The following CNTNAP4 variants were observed in gnomAD, a reference collection of about 807,000 sequenced individuals.
The protein encoded by CNTNAP4 is contactin associated protein family member 4.
CNTNAP4 carries 98 observed loss-of-function variants against 148.4 expected under a neutral mutation model. That is an observed-to-expected ratio of 0.66 (90% CI 0.56 to 0.78). The LOEUF (loss-of-function observed/expected upper bound fraction) is 0.78. Among genes scored for constraint, CNTNAP4 ranks in the 30% least tolerant of loss-of-function variants. CNTNAP4 has a pLI of 0.00. For synonymous variants in CNTNAP4, 730 were observed against 565.1 expected (o/e 1.29, Z -4.14); for missense variants, 1,935 against 1,565.6 (o/e 1.24, Z -3.98).
intron 3 of CNTNAP4, among the ~76,000 whole-genome samples, chr16:76,396,175 C>G (rs1466826314): frequency 1.3e-5 from 2 of 152,188 alleles, no homozygotes; most frequent in Non-Finnish European, 1.5e-5. Flanking sequence ...CTTTGTTAGA[C>G]CTTAGGCGTT....
In CNTNAP4 at chr16:76,506,267, C is replaced by T. The variant is rs1174429963; in HGVS notation, c.2365+7573C>T. Among the ~76,000 whole-genome samples, 2 of 95,026 alleles carry T rather than the reference C, an allele frequency of 2.1e-5. 1 individual carries two copies. The highest frequency in any genetic ancestry group is 5.2e-5 in the African/African-American group (2 of 38,264). The allele number at this position is 95,026 out of a possible 152,430, so 62.3% of individuals were successfully genotyped here. ...TCCACTTTAGCATGTATAAAAATTA[C>T]TTGGAGAGCTTGTTGTAGCACAGAT... On this transcript the variant is annotated intron_variant, in intron 15 of 23. Transcript: ENST00000611870.
chr16:76,443,938 C>A (rs1006066200), intron 4 of CNTNAP4, among the ~76,000 whole-genome samples: 6 of 152,134 alleles, frequency 3.9e-5, no homozygotes, highest in Non-Finnish European at 4.4e-5. Context: ...ATGTGAAATC[C>A]AAACGTATGT....
intron 1 of CNTNAP4, among the ~76,000 whole-genome samples, chr16:76,299,037 A>G (rs1333638081): frequency 4.6e-5 from 7 of 152,194 alleles, no homozygotes; most frequent in Admixed American, 2.0e-4. Flanking sequence ...AAAACCATAA[A>G]AACCCTAGAA....
intron 1 of CNTNAP4, among the ~76,000 whole-genome samples, chr16:76,289,006 T>C (rs1462111377): frequency 6.6e-6 from 1 of 152,226 alleles, no homozygotes; most frequent in East Asian, 1.9e-4. Context: ...ATGGTACATA[T>C]TCTCCTGGTC....
At chr16:76,295,660 A>G (rs1959223154) in intron 1 of CNTNAP4, among the ~76,000 whole-genome samples, 1 of 152,216 alleles carries the variant, frequency 6.6e-6, no homozygotes, top group Admixed American at 6.5e-5. Flanking sequence ...GACTGACAGC[A>G]CGTCATGGCT....
At chr16:76,422,034 T>C (rs2079208383) in intron 3 of CNTNAP4, among the ~76,000 whole-genome samples, 1 of 152,156 alleles carries the variant, frequency 6.6e-6, no homozygotes, top group African/African-American at 2.4e-5. Flanking sequence ...AAAAAGAAAT[T>C]AGTGCTATTA....
At chr16:76,414,850 C>G (rs919031138) in intron 3 of CNTNAP4, among the ~76,000 whole-genome samples, 5 of 151,262 alleles carry the variant, frequency 3.3e-5, no homozygotes, top group African/African-American at 9.7e-5. Context: ...GTAAGATGCT[C>G]TTTTGCATTA....
In CNTNAP4 at chr16:76,522,946, G is replaced by C. The variant is rs187572618; in HGVS notation, c.2755+689G>C. Among the ~76,000 whole-genome samples, 24 of 151,540 alleles carry C rather than the reference G, an allele frequency of 1.6e-4. No individual in the cohort carries two copies. In the Middle Eastern group the frequency reaches 0.01, roughly 64 times the overall value. On this transcript the variant is annotated intron_variant, in intron 17 of 23. Coordinates refer to ENST00000611870, the MANE Select transcript of CNTNAP4 (RefSeq NM_033401.5). ...CCTGGCTAATTTGTTTGTATTTTTA[G>C]TAGAAATGGGGTTTTGCCATGTTGG...
intron 14 of CNTNAP4, among the ~76,000 whole-genome samples, chr16:76,495,600 T>C (rs1476799360): frequency 1.4e-5 from 2 of 140,152 alleles, no homozygotes; most frequent in African/African-American, 5.0e-5. Context: ...AATATTCCTC[T>C]AAGCAGAGAA....
In CNTNAP4 at chr16:76,559,937, C is replaced by T. The variant is rs866440451; in HGVS notation, c.*1254C>T. Among the ~76,000 whole-genome samples, 8 of 152,296 alleles carry T rather than the reference C, an allele frequency of 5.3e-5. No homozygotes were observed. The South Asian group carries it at 8.3e-4, about 16-fold the overall frequency. ...TCTACTGTGAATTTGTCATTCCAGACACTTCTCGTCTGAAACGATGGGGTG... is the reference window on the plus strand; with the variant it reads ...TCTACTGTGAATTTGTCATTCCAGATACTTCTCGTCTGAAACGATGGGGTG... On this transcript the variant is annotated 3_prime_UTR_variant, in exon 24 of 24. Transcript: ENST00000611870.
intron 2 of CNTNAP4, among the ~76,000 whole-genome samples, chr16:76,334,073 C>T (rs186811985): frequency 1.3e-5 from 2 of 151,670 alleles, no homozygotes; most frequent in African/African-American, 4.8e-5. Context: ...GTAGATATAC[C>T]TAACACTAAA....
chr16:76,485,972 C>T (rs2082011737), intron 12 of CNTNAP4, among the ~76,000 whole-genome samples: 2 of 152,298 alleles, frequency 1.3e-5, no homozygotes, highest in Admixed American at 6.5e-5. Flanking sequence ...AGCTATTCAG[C>T]GTGAAGCAAC....
intron 14 of CNTNAP4, among the ~76,000 whole-genome samples, chr16:76,498,365 C>T (rs1035338129): frequency 1.4e-5 from 2 of 146,122 alleles, no homozygotes; most frequent in African/African-American, 4.8e-5. Context: ...GCACTCCAGC[C>T]TGGGAGACAG....
intron 1 of CNTNAP4, among the ~76,000 whole-genome samples, chr16:76,290,973 A>G (rs1196667424): frequency 6.6e-6 from 1 of 151,990 alleles, no homozygotes; most frequent in Non-Finnish European, 1.5e-5. Flanking sequence ...GGAGAGAGAG[A>G]GCGATATCTC....
rs543623042 is a variant in CNTNAP4 at position 76,330,132 on chromosome 16, C to T, written c.196+13609C>T. On this transcript the variant is annotated intron_variant, in intron 2 of 23. Transcript: ENST00000611870. ...TCACTTTATCAACTTAAGTTAAATA[C>T]ATCACCTCCAAACCAGCTGCTGCTT... 7.9e-4 allele frequency among the ~76,000 whole-genome samples: 120 copies of T among 152,298 alleles called. 1 individual carries two copies. The South Asian group carries it at 0.024, about 30-fold the overall frequency.
chr16:76,378,014 C>T (rs995589474), intron 3 of CNTNAP4, among the ~76,000 whole-genome samples: 71 of 152,262 alleles, frequency 4.7e-4, no homozygotes, highest in African/African-American at 1.7e-3. Context: ...AACTACCAAC[C>T]AGTACCTGCT....
At chr16:76,447,605 C>A (rs936279175) in intron 4 of CNTNAP4, among the ~76,000 whole-genome samples, 1 of 152,082 alleles carries the variant, frequency 6.6e-6, no homozygotes, top group African/African-American at 2.4e-5. Context: ...AATATGCATT[C>A]AGTAGAAACC....
chr16:76,364,183 G>C (rs1003473619), intron 3 of CNTNAP4, among the ~76,000 whole-genome samples: 26 of 124,360 alleles, frequency 2.1e-4, no homozygotes, highest in African/African-American at 6.9e-4. Flanking sequence ...GTTGCGGTGA[G>C]CTGATATGCC....
chr16:76,430,242 C>G (rs1405011786), intron 4 of CNTNAP4, among the ~76,000 whole-genome samples: 1 of 152,100 alleles, frequency 6.6e-6, no homozygotes, highest in African/African-American at 2.4e-5. Context: ...CTGATTTGTT[C>G]CTAGTAATGT....
Sources: allele counts gnomAD v4.1 joint callset (sites outside exome capture counted in the v4.1 genomes callset), GRCh38; gene constraint gnomAD v4.1.1; transcripts MANE v1.5; gene names NCBI Gene and HGNC (gene_info 2026-07-23, HGNC 2026-07-21).